Variants in NDUFA9 observed in about 807,000 individuals in gnomAD.
NDUFA9 encodes NADH:ubiquinone oxidoreductase subunit A9, also known as NADH dehydrogenase [ubiquinone] 1 alpha subcomplex subunit 9, mitochondrial.
Under a neutral mutation model 45.9 loss-of-function variants are expected in NDUFA9, and 23 were observed. That is an observed-to-expected ratio of 0.50 (90% CI 0.36 to 0.71). NDUFA9 has a LOEUF of 0.71. NDUFA9 is among the 30% of genes least tolerant of loss of function. NDUFA9 has a pLI of 0.00. For synonymous variants in NDUFA9, 176 were observed against 170.5 expected (o/e 1.03, Z -0.25); for missense variants, 466 against 488.2 (o/e 0.95, Z 0.43).
intron 1 of NDUFA9, chr12:4,653,702 A>AT: frequency 8.6e-6 from 3 of 350,726 alleles, no homozygotes; most frequent in South Asian, 2.2e-5. Context: ...ATTGAACTGC[A>AT]TTCTTTTTTT....
At position 4,668,724 on chromosome 12, in the gene NDUFA9, A is replaced by T. The variant is rs1945867937; in HGVS notation, c.723+200A>T. 3 of 581,108 alleles carry T rather than the reference A, an allele frequency of 5.2e-6. No homozygotes were observed. In the East Asian group the frequency reaches 8.7e-5, roughly 17 times the overall value. 36.0% of individuals were successfully genotyped at this position (581,108 alleles called of 1,614,324 possible). A position where few individuals can be genotyped will look rare whatever the true frequency, so the allele number is the denominator to read the frequency against. On this transcript the variant is annotated intron_variant, in intron 7 of 10. Transcript: ENST00000266544. ...TGTTCATTTAAGAAAAAGTTATTGA[A>T]CTCATAATGTGCTAGACACATCATA...
intron 3 of NDUFA9, chr12:4,655,504 C>T (rs926777766): frequency 6.6e-6 from 1 of 152,110 alleles, no homozygotes; most frequent in African/African-American, 2.4e-5. Context: ...ATATTTGTTA[C>T]ATATTAAAAT....
chr12:4,657,943 A>G, intron 4 of NDUFA9, 104 bp downstream of exon 4: 2 of 889,802 alleles, frequency 2.2e-6, no homozygotes, highest in South Asian at 2.8e-5. Flanking sequence ...TGACATTTTC[A>G]ATTAGTGAAT....
chr12:4,661,047 G>A (rs965230568), intron 5 of NDUFA9, among the ~76,000 whole-genome samples: 8 of 152,080 alleles, frequency 5.3e-5, no homozygotes, highest in Non-Finnish European at 8.8e-5. Flanking sequence ...ATGCTGGTAG[G>A]GAGATGCTGG....
At chr12:4,662,694 C>A in intron 6 of NDUFA9, 59 bp downstream of exon 6, 3 of 1,343,180 alleles carry the variant, frequency 2.2e-6, no homozygotes, top group Non-Finnish European at 3.2e-6. Context: ...GTTGAAGCTG[C>A]TCAAGCTAAC....
rs1945937365 is a variant in NDUFA9 at position 4,679,044 on chromosome 12, G to A, written c.801-3161G>A. ...ACATATTCATTAACTGATGAAAGGA[G>A]AAATAAAATATAGTAGCATTCTCAT... On this transcript the variant is annotated intron_variant, in intron 8 of 10. Coordinates refer to ENST00000266544, the MANE Select transcript of NDUFA9 (RefSeq NM_005002.5). 2.0e-5 allele frequency among the ~76,000 whole-genome samples: 3 copies of A among 152,094 alleles called. No homozygotes were observed. The South Asian group carries it at 6.2e-4, about 31-fold the overall frequency.
chr12:4,668,457 G>GT lies in NDUFA9; in HGVS notation c.657dup (p.Met220TyrfsTer18). 1 of 1,612,698 alleles carries GT rather than the reference G, an allele frequency of 6.2e-7. No individual in the cohort carries two copies. The highest frequency in any genetic ancestry group is 8.5e-7 in the Non-Finnish European group (1 of 1,178,726). ...TAGTTCTCATTCTTTCTTCCGCTAG[G>GT]TATGCATCGGTTTGGTCCTATACCC... is the stretch of plus-strand genomic sequence containing the variant. On this transcript the variant is annotated frameshift_variant and splice_region_variant, in exon 7 of 11. Coordinates refer to ENST00000266544, the MANE Select transcript of NDUFA9 (RefSeq NM_005002.5). LOFTEE classifies it high-confidence loss of function.
intron 6 of NDUFA9, among the ~76,000 whole-genome samples, chr12:4,665,790 G>A (rs995822503): frequency 6.7e-6 from 1 of 149,960 alleles, no homozygotes; most frequent in Admixed American, 6.6e-5. Flanking sequence ...GTTCTAAGGT[G>A]GTATTTCATT....
intron 8 of NDUFA9, among the ~76,000 whole-genome samples, chr12:4,670,030 C>T (rs546093082): frequency 2.0e-5 from 3 of 152,316 alleles, no homozygotes; most frequent in Non-Finnish European, 4.4e-5. Flanking sequence ...TAGACTATTA[C>T]ATATACTTAG....
At chr12:4,681,240 T>G (rs1030443362) in intron 8 of NDUFA9, among the ~76,000 whole-genome samples, 8 of 152,048 alleles carry the variant, frequency 5.3e-5, no homozygotes, top group Non-Finnish European at 1.0e-4. Flanking sequence ...ATAAAGAAAA[T>G]CAGTAGTTTT....
At chr12:4,673,615 A>G (rs1254310565) in intron 8 of NDUFA9, among the ~76,000 whole-genome samples, 2 of 126,866 alleles carry the variant, frequency 1.6e-5, no homozygotes, top group African/African-American at 2.8e-5. Flanking sequence ...AAGTGAAAAG[A>G]CAAGATAAGA....
At chr12:4,682,651 A>T (rs545273434) in intron 9 of NDUFA9, among the ~76,000 whole-genome samples, 1 of 152,336 alleles carries the variant, frequency 6.6e-6, no homozygotes, top group Non-Finnish European at 1.5e-5. Flanking sequence ...CATGTCGCTC[A>T]TTATTAAATC....
intron 9 of NDUFA9, among the ~76,000 whole-genome samples, chr12:4,682,740 T>C (rs1239127956): frequency 2.0e-5 from 3 of 152,226 alleles, no homozygotes; most frequent in Non-Finnish European, 4.4e-5. Context: ...CTTTCCCTGC[T>C]TCTTAGTTTA....
chr12:4,668,617 C>G, intron 7 of NDUFA9, 93 bp downstream of exon 7: 4 of 1,155,512 alleles, frequency 3.5e-6, no homozygotes, highest in Non-Finnish European at 5.2e-6. Context: ...TTTAGTAACT[C>G]TGTCATTTTC....
chr12:4,676,355 CTGTT>C (rs1945919957), intron 8 of NDUFA9, among the ~76,000 whole-genome samples: 1 of 152,200 alleles, frequency 6.6e-6, no homozygotes, highest in Non-Finnish European at 1.5e-5. Flanking sequence ...CAAATTGTCT[CTGTT>C]TGCAGATGAC....
intron 6 of NDUFA9, among the ~76,000 whole-genome samples, chr12:4,663,280 C>A (rs1945834237): frequency 6.6e-6 from 1 of 152,088 alleles, no homozygotes; most frequent in South Asian, 2.1e-4. Flanking sequence ...GTCCACCTAA[C>A]ATCTGTAATA....
chr12:4,686,109 A>G (rs1366879056), intron 10 of NDUFA9, among the ~76,000 whole-genome samples: 1 of 152,198 alleles, frequency 6.6e-6, no homozygotes, highest in Non-Finnish European at 1.5e-5. Flanking sequence ...TTTATCTTAC[A>G]CTAAAGTGTC....
chr12:4,680,534 A>G (rs2137484508), intron 8 of NDUFA9, among the ~76,000 whole-genome samples: 1 of 152,336 alleles, frequency 6.6e-6, no homozygotes, highest in South Asian at 2.1e-4. Context: ...ATGGAACACA[A>G]AGTGCTTCAG....
intron 8 of NDUFA9, among the ~76,000 whole-genome samples, chr12:4,682,003 T>C (rs1294610920): frequency 6.6e-6 from 1 of 152,192 alleles, no homozygotes; most frequent in South Asian, 2.1e-4. Flanking sequence ...ATAATGTATA[T>C]ATGTAAGGGG....
Sources: gnomAD v4.1 joint callset for allele counts (sites outside exome capture counted in the v4.1 genomes callset) on GRCh38, gnomAD v4.1.1 for gene constraint, MANE v1.5 for transcripts, NCBI Gene and HGNC (gene_info 2026-07-23, HGNC 2026-07-21) for gene names.